Variants in BMPR2 observed in about 807,000 individuals in gnomAD.
The protein encoded by BMPR2 is bone morphogenetic protein receptor type 2.
In BMPR2, 29 loss-of-function variants were observed where a neutral mutation model predicts 100.8. That is an observed-to-expected ratio of 0.29 (90% CI 0.21 to 0.39). The LOEUF is 0.39. Ranked by LOEUF, BMPR2 falls within the 10% of genes least tolerant of loss-of-function variation. The probability of loss-of-function intolerance (pLI) is 1.00; values close to 1 mark genes in which losing one functional copy is unlikely to be tolerated. For missense variants in BMPR2, 1,011 were observed against 1,274.5 expected, an observed-to-expected ratio of 0.79 and a Z score of 3.15; for synonymous variants, 382 against 442.3, an observed-to-expected ratio of 0.86 and a Z score of 1.71.
intron 3 of BMPR2, among the ~76,000 whole-genome samples, chr2:202,482,777 G>C (rs992249012): frequency 6.6e-6 from 1 of 152,124 alleles, no homozygotes; most frequent in Non-Finnish European, 1.5e-5. Flanking sequence ...CTGACCTTGT[G>C]ATTCACCTGC....
chr2:202,556,556 CT>C, intron 12 of BMPR2, 25 bp downstream of exon 12: 1 of 1,607,032 alleles, frequency 6.2e-7, no homozygotes, highest in Non-Finnish European at 8.5e-7. Context: ...CATATAATCT[CT>C]CCTGTGTGTC....
chr2:202,446,587 A>C (rs551498280), intron 1 of BMPR2, among the ~76,000 whole-genome samples: 2 of 150,332 alleles, frequency 1.3e-5, no homozygotes, highest in East Asian at 1.9e-4. Context: ...ATGAATACTC[A>C]TGATCCTACC....
intron 2 of BMPR2, 75 bp from the exon 3 acceptor site, chr2:202,467,444 C>G (rs1030692264): frequency 1.6e-6 from 2 of 1,266,346 alleles, no homozygotes; most frequent in South Asian, 2.4e-5. Context: ...ATTGAAATTA[C>G]TGCTTAGTTT....
chr2:202,497,912 G>A (rs766957239), intron 3 of BMPR2, among the ~76,000 whole-genome samples: 5 of 152,166 alleles, frequency 3.3e-5, no homozygotes, highest in Non-Finnish European at 7.3e-5. Context: ...CCAAAGCCCT[G>A]TCACAGTGGG....
chr2:202,489,272 G>A (rs1692848162), intron 3 of BMPR2, among the ~76,000 whole-genome samples: 1 of 152,078 alleles, frequency 6.6e-6, no homozygotes, highest in Admixed American at 6.5e-5. Flanking sequence ...CAAAGTGCTG[G>A]GATTACAGGC....
chr2:202,543,246 A>ATATTTATATATATATTTATATACATATG, intron 10 of BMPR2, among the ~76,000 whole-genome samples: 1 of 147,408 alleles, frequency 6.8e-6, no homozygotes. Context: ...ATATACATAT[A>ATATTTATATATATATTTATATACATATG]TATTTATATA....
chr2:202,542,750 A>G (rs754313268), intron 10 of BMPR2, among the ~76,000 whole-genome samples: 1 of 152,188 alleles, frequency 6.6e-6, no homozygotes, highest in South Asian at 2.1e-4. Context: ...TATTATTGAA[A>G]TTCTATCTTA....
rs536889575 is a variant in BMPR2, at chr2:202,422,329, C to T, written c.77-42480C>T. 6.6e-5 allele frequency among the ~76,000 whole-genome samples: 10 copies of T among 151,306 alleles called. No homozygotes were observed. The East Asian group carries it at 1.8e-3, about 27-fold the overall frequency. On this transcript the variant is annotated intron_variant, in intron 1 of 12. Transcript: ENST00000374580. ...AGTTGTTTTTTTGTTTTTTTTGAGA[C>T]GGAGTCTTGCTCTGTCGCCCAGGCT...
intron 7 of BMPR2, among the ~76,000 whole-genome samples, chr2:202,523,838 A>G (rs1244665828): frequency 6.6e-6 from 1 of 151,914 alleles, no homozygotes; most frequent in Non-Finnish European, 1.5e-5. Flanking sequence ...TGTGTTACAC[A>G]TACACCATCG....
intron 3 of BMPR2, among the ~76,000 whole-genome samples, chr2:202,484,985 A>G (rs796104587): frequency 9.7e-4 from 144 of 148,816 alleles, no homozygotes; most frequent in African/African-American, 2.2e-3. Context: ...AAAAAAAAAA[A>G]AAAGAAAGAA....
intron 9 of BMPR2, among the ~76,000 whole-genome samples, chr2:202,537,371 C>T (rs1400238825): frequency 1.3e-5 from 2 of 152,066 alleles, no homozygotes; most frequent in Non-Finnish European, 2.9e-5. Flanking sequence ...GAATGACTAT[C>T]GCTTTTGATC....
chr2:202,558,849 T>C lies in BMPR2; in HGVS notation c.2867-847T>C, dbSNP rs566978480. ...CAGAGGTTGCGGTGAGCCGAGATCA[T>C]GTCATTGCACTCCAGCCTGGCAACA... On this transcript the variant is annotated intron_variant, in intron 12 of 12. Transcript: ENST00000374580. 1.4e-4 allele frequency among the ~76,000 whole-genome samples: 20 copies of C among 146,788 alleles called. No homozygotes were observed. The East Asian group carries it at 2.2e-3, about 16-fold the overall frequency.
At chr2:202,476,559 C>A (rs902745074) in intron 3 of BMPR2, among the ~76,000 whole-genome samples, 1 of 151,996 alleles carries the variant, frequency 6.6e-6, no homozygotes, top group Non-Finnish European at 1.5e-5. Context: ...GAGGCCGAGG[C>A]GGGTGGATTG....
rs1186784104 is a variant in BMPR2 at position 202,474,380 on chromosome 2, TG to T, written c.418+6694del. Among the ~76,000 whole-genome samples, 4 of 148,638 alleles carry T rather than the reference TG, an allele frequency of 2.7e-5. No homozygotes were observed. The East Asian group carries it at 8.5e-4, about 31-fold the overall frequency. On this transcript the variant is annotated intron_variant, in intron 3 of 12. Transcript: ENST00000374580. The stretch of plus-strand genomic sequence containing the variant: ...CTGAGGCAGAATAATCTCTTGAACC[TG>T]GGAAGTGAAGCGGAGGTTGCAGTAA...
intron 1 of BMPR2, among the ~76,000 whole-genome samples, chr2:202,386,749 C>T (rs1287892283): frequency 4.6e-5 from 7 of 151,698 alleles, no homozygotes; most frequent in Non-Finnish European, 1.0e-4. Flanking sequence ...GGCGCGATCT[C>T]GGCTCACTGC....
chr2:202,388,844 G>A (rs189433549), intron 1 of BMPR2, among the ~76,000 whole-genome samples: 1 of 150,972 alleles, frequency 6.6e-6, no homozygotes, highest in African/African-American at 2.4e-5. Context: ...TCTACTCTAA[G>A]CATCTAATAG....
intron 1 of BMPR2, among the ~76,000 whole-genome samples, chr2:202,407,062 A>C (rs142268317): frequency 6.6e-6 from 1 of 150,846 alleles, no homozygotes; most frequent in Admixed American, 6.6e-5. Flanking sequence ...ATTCTCCTGC[A>C]TTAGCCTCCC....
chr2:202,483,039 AT>A (rs938632989), intron 3 of BMPR2, among the ~76,000 whole-genome samples: 1 of 151,806 alleles, frequency 6.6e-6, no homozygotes, highest in Non-Finnish European at 1.5e-5. Flanking sequence ...GTCACTTGTT[AT>A]TTTTTTTAAA....
chr2:202,461,520 G>A (rs1023853989), intron 1 of BMPR2, among the ~76,000 whole-genome samples: 30 of 152,152 alleles, frequency 2.0e-4, no homozygotes, highest in African/African-American at 6.8e-4. Flanking sequence ...ATGCTAGTAT[G>A]TTTGTTGAAT....
Sources: gnomAD v4.1 joint callset for allele counts (sites outside exome capture counted in the v4.1 genomes callset) on GRCh38, gnomAD v4.1.1 for gene constraint, MANE v1.5 for transcripts, NCBI Gene and HGNC (gene_info 2026-07-23, HGNC 2026-07-21) for gene names.